The following CHERP variants were observed in gnomAD, a reference collection of about 807,000 sequenced individuals.
The protein encoded by CHERP is calcium homeostasis endoplasmic reticulum protein, also known as ERPROT 213-21.
CHERP carries 8 observed loss-of-function variants against 113.8 expected under a neutral mutation model. The ratio of observed to expected loss-of-function variants is 0.07; its 90% CI spans 0.04 to 0.13. The LOEUF (loss-of-function observed/expected upper bound fraction) is 0.13, where lower values mean the gene tolerates loss of function less well. Among genes scored for constraint, CHERP ranks in the 10% least tolerant of loss-of-function variants. The probability of loss-of-function intolerance (pLI) is 1.00; values close to 1 mark genes in which losing one functional copy is unlikely to be tolerated. For synonymous variants in CHERP, 559 were observed against 524.5 expected (o/e 1.07, Z -0.90); for missense variants, 884 against 1,298.2 (o/e 0.68, Z 4.90).
intron 2 of CHERP, among the ~76,000 whole-genome samples, chr19:16,537,948 A>G (rs1164551348): frequency 6.6e-6 from 1 of 152,182 alleles, no homozygotes; most frequent in Non-Finnish European, 1.5e-5. Flanking sequence ...CAGGTTAGAA[A>G]CTTAAAACAC....
Position 16,519,814 on chromosome 19 carries a change from ACT to A in CHERP, c.2463-101_2463-100del. The A allele has an allele frequency of 1.9e-6, 2 of 1,032,138 alleles. No homozygotes were observed. Among genetic ancestry groups the A allele is most frequent in the Non-Finnish European group, 3.1e-6 (2 of 653,440 alleles). 63.9% of individuals were successfully genotyped at this position (1,032,138 alleles called of 1,614,324 possible). ...ACAGCCGCAGCTTGCGTGCATGCTC[ACT>A]GTCACCAGGTGACACCGTATGCAGA... On this transcript the variant is annotated intron_variant, in intron 15 of 16. Transcript: ENST00000546361. This position sits in a 1 kb window ranked among gnomAD's most constrained non-coding sequence, Gnocchi z 6.0.
In CHERP at chr19:16,531,181, C is replaced by T. The variant is rs929785606; in HGVS notation, c.675-301G>A. ...CCTTCCCTCCTTCCCTCTTGGGTGGCGCTGCGGGTGAAGGGATATGGGCCG... is the reference window on the plus strand; with the variant it reads ...CCTTCCCTCCTTCCCTCTTGGGTGGTGCTGCGGGTGAAGGGATATGGGCCG... On this transcript the variant is annotated intron_variant, in intron 5 of 16. Transcript: ENST00000546361. Among the ~76,000 whole-genome samples, 17 of 152,304 alleles carry T rather than the reference C, an allele frequency of 1.1e-4. 1 individual carries two copies. In the South Asian group the frequency reaches 1.9e-3, roughly 17 times the overall value.
Position 16,521,520 on chromosome 19 carries a change from C to A in CHERP, c.2114+1G>T. The A allele has an allele frequency of 6.3e-7, 1 of 1,588,768 alleles. No homozygotes were observed. Among genetic ancestry groups the A allele is most frequent in the Non-Finnish European group, 8.6e-7 (1 of 1,169,354 alleles). On this transcript the variant is annotated splice_donor_variant, in intron 12 of 16. Coordinates refer to ENST00000546361, the MANE Select transcript of CHERP (RefSeq NM_006387.6). LOFTEE classifies it high-confidence loss of function. ...CCACCCCACTGACCTGGGCCCCTTA[C>A]CTGTTCCTGGGCCTGTCGTGGGACG...
chr19:16,521,610 G>A lies in CHERP; in HGVS notation c.2025C>T (p.Arg675=), dbSNP rs1407725227. ...CGCTGGGCGGCATGGGGGGTGGGAG[G>A]CGGATGTCTTTAGGGTCCAAAGGCT... ...EYKPLDPKDI[R]LPPPMPPSER... is the part of the protein sequence containing the mutation. The change falls in exon 12 of 17, where the codon CGC becomes CGT. Residue 675 remains arginine, a synonymous_variant. Coordinates refer to ENST00000546361, the MANE Select transcript of CHERP (RefSeq NM_006387.6). 1.3e-5 allele frequency: 21 copies of A among 1,609,962 alleles called. No individual in the cohort carries two copies. Among genetic ancestry groups the A allele is most frequent in the Non-Finnish European group, 1.7e-5 (20 of 1,178,294 alleles).
rs1056789687 is a variant in CHERP, at chr19:16,520,666, C to T, written c.2202-159G>A. On this transcript the variant is annotated intron_variant, in intron 13 of 16. Coordinates refer to ENST00000546361, the MANE Select transcript of CHERP (RefSeq NM_006387.6). The surrounding 1 kb of genome is among the most constrained non-coding windows in gnomAD (Gnocchi z 4.0). ...GTACCAAGTTCCTAAATAGTGTGGC[C>T]GAGCCTGCTGCTGTGTGAATTCAGG... 3.6e-5 allele frequency: 41 copies of T among 1,137,342 alleles called. No individual in the cohort carries two copies. Among genetic ancestry groups the T allele is most frequent in the Non-Finnish European group, 4.4e-5 (34 of 779,200 alleles). 70.5% of individuals were successfully genotyped at this position (1,137,342 alleles called of 1,614,324 possible). A position where few individuals can be genotyped will look rare whatever the true frequency, so the allele number is the denominator to read the frequency against.
At chr19:16,537,669 A>C (rs992528666) in intron 2 of CHERP, among the ~76,000 whole-genome samples, 2 of 151,840 alleles carry the variant, frequency 1.3e-5, no homozygotes, top group South Asian at 2.1e-4. Context: ...ACATCACTCC[A>C]ATCAGTCTAT....
In CHERP at chr19:16,528,103, C is replaced by T. The variant is rs773224330; in HGVS notation, c.1282G>A (p.Val428Met). 1.5e-5 allele frequency: 24 copies of T among 1,613,382 alleles called. No homozygotes were observed. The highest frequency in any genetic ancestry group is 1.7e-4 in the Middle Eastern group (1 of 5,754). The change falls in exon 9 of 17, where the codon GTG becomes ATG. Residue 428 changes from valine to methionine, a missense_variant. This residue lies in a region of CHERP where 464 missense variants were observed against 590.1 expected (regional missense o/e 0.79). Transcript: ENST00000546361. ...ACCTGCTGCTGGCCCCAAGGAGCCA[C>T]GGGGTGAGGCTGGTCAAACCAAGGG... ...KPPWFDQPHP[V>M]APWGQQQPPE...
chr19:16,538,349 C>G (rs1242114124), intron 2 of CHERP, among the ~76,000 whole-genome samples: 1 of 152,184 alleles, frequency 6.6e-6, no homozygotes, highest in Non-Finnish European at 1.5e-5. Flanking sequence ...TGGCCAACTC[C>G]AACACACCCT....
chr19:16,538,520 T>C (rs527497293), intron 2 of CHERP, among the ~76,000 whole-genome samples: 40 of 152,202 alleles, frequency 2.6e-4, no homozygotes, highest in South Asian at 1.5e-3. Context: ...ACATCTCTAC[T>C]AAAAATACAA....
chr19:16,529,342 G>C (rs180884998), intron 8 of CHERP, among the ~76,000 whole-genome samples: 228 of 152,334 alleles, frequency 1.5e-3, no homozygotes, highest in Admixed American at 5.5e-3. Flanking sequence ...TCTGTGCATT[G>C]TCCTTCCTGC....
rs752890741 is a variant in CHERP at position 16,520,375 on chromosome 19, G to A, written c.2334C>T (p.Arg778=). The A allele has an allele frequency of 3.2e-5, 52 of 1,613,966 alleles. No homozygotes were observed. Among genetic ancestry groups the A allele is most frequent in the Non-Finnish European group, 4.1e-5 (48 of 1,179,984 alleles). Residue 778 remains arginine (R), a synonymous_variant, in exon 14 of 17, where the codon CGC becomes CGT. Transcript: ENST00000546361. The surrounding 1 kb of genome is among the most constrained non-coding windows in gnomAD (Gnocchi z 4.0). ...CAGCCTCTGCCTACCTAGATCTGGA[G>A]CGGGAGTAGGAACGGGAGCAGGAGC... is the stretch of plus-strand genomic sequence containing the variant. ...RSRSCSRSYS[R]SRSRSRSRSR...
intron 2 of CHERP, among the ~76,000 whole-genome samples, chr19:16,537,686 G>A (rs1267014897): frequency 1.3e-5 from 2 of 151,500 alleles, no homozygotes; most frequent in African/African-American, 2.4e-5. Flanking sequence ...CTATGTCCCC[G>A]CTGTCACCAC....
chr19:16,538,269 C>T (rs541230041), intron 2 of CHERP, among the ~76,000 whole-genome samples: 1 of 152,344 alleles, frequency 6.6e-6, no homozygotes, highest in African/African-American at 2.4e-5. Flanking sequence ...CCACCCTAAG[C>T]TCTGGGTTCC....
In CHERP at chr19:16,530,473, G is replaced by A; in HGVS notation, c.876+112C>T. Reference sequence around the variant, plus strand: ...CTGGCTACTCCTAGCACAGGCAGGGGACATGGGCTCTCTGGCTGCTGGGGT... The same window carrying A: ...CTGGCTACTCCTAGCACAGGCAGGGAACATGGGCTCTCTGGCTGCTGGGGT... On this transcript the variant is annotated intron_variant, in intron 7 of 16. Transcript: ENST00000546361. The surrounding 1 kb of genome is among the most constrained non-coding windows in gnomAD (Gnocchi z 4.1). 1 of 945,658 alleles carries A rather than the reference G, an allele frequency of 1.1e-6. No individual in the cohort carries two copies. The highest frequency in any genetic ancestry group is 1.7e-6 in the Non-Finnish European group (1 of 588,544). The allele number at this position is 945,658 out of a possible 1,614,324, so 58.6% of individuals were successfully genotyped here. A position where few individuals can be genotyped will look rare whatever the true frequency, so the allele number is the denominator to read the frequency against.
At position 16,534,630 on chromosome 19, in the gene CHERP, C is replaced by T. The variant is rs1398932672; in HGVS notation, c.384+822G>A. On this transcript the variant is annotated intron_variant, in intron 3 of 16. Coordinates refer to ENST00000546361, the MANE Select transcript of CHERP (RefSeq NM_006387.6). ...AGCTGGGATTACAGGCGTGCACCACCACGCCCAGCTAATTTTTGTATTTTT... is the reference window on the plus strand; with the variant it reads ...AGCTGGGATTACAGGCGTGCACCACTACGCCCAGCTAATTTTTGTATTTTT... Among the ~76,000 whole-genome samples the T allele has an allele frequency of 2.6e-5, 4 of 151,938 alleles. No individual in the cohort carries two copies. In the East Asian group the frequency reaches 5.8e-4, roughly 22 times the overall value.
intron 1 of CHERP, 21 bp downstream of exon 1, chr19:16,542,333 C>T: frequency 7.1e-7 from 1 of 1,414,876 alleles, no homozygotes; most frequent in East Asian, 2.8e-5. Context: ...GAAACGGTCT[C>T]TCGGCCGGTT....
rs760184386 is a variant in CHERP, at chr19:16,542,331, C to G, written c.25+23G>C. 9.9e-6 allele frequency: 14 copies of G among 1,414,110 alleles called. No individual in the cohort carries two copies. The African/African-American group carries it at 1.0e-4, about 11-fold the overall frequency. 87.6% of individuals were successfully genotyped at this position (1,414,110 alleles called of 1,614,324 possible). ...GAGGTTCCGGGGAGAGAGAAACGGT[C>G]TCTCGGCCGGTTTGGGTCTCACCAT... is the stretch of plus-strand genomic sequence containing the variant. On this transcript the variant is annotated intron_variant, in intron 1 of 16. Transcript: ENST00000546361.
chr19:16,522,525 C>T (rs1217415035), intron 11 of CHERP, among the ~76,000 whole-genome samples: 1 of 152,204 alleles, frequency 6.6e-6, no homozygotes, highest in Non-Finnish European at 1.5e-5. Flanking sequence ...TCCCAAAGTG[C>T]TGGGATTACA....
intron 2 of CHERP, among the ~76,000 whole-genome samples, chr19:16,537,700 G>A (rs1568264626): frequency 6.6e-6 from 1 of 151,570 alleles, no homozygotes; most frequent in Non-Finnish European, 1.5e-5. Flanking sequence ...TCACCACCAT[G>A]GATCTGCTGT....
Sources: allele counts gnomAD v4.1 joint callset (sites outside exome capture counted in the v4.1 genomes callset), GRCh38; gene constraint gnomAD v4.1.1; regional missense constraint gnomAD v4.1.1; non-coding constraint Gnocchi (gnomAD v3.1); transcripts MANE v1.5; gene names NCBI Gene and HGNC (gene_info 2026-07-23, HGNC 2026-07-21).